Variants in LRP1B observed in about 807,000 individuals in gnomAD.
The protein encoded by LRP1B is low-density lipoprotein receptor-related protein 1B.
Under a neutral mutation model 556.6 loss-of-function variants are expected in LRP1B, and 217 were observed. That is an observed-to-expected ratio of 0.39 (90% CI 0.35 to 0.44). The LOEUF (loss-of-function observed/expected upper bound fraction) is 0.44. LRP1B is among the 20% of genes least tolerant of loss of function. LRP1B has a pLI of 1.00. For missense variants in LRP1B, 5,053 were observed against 5,620.8 expected, an observed-to-expected ratio of 0.90 and a Z score of 3.23; for synonymous variants, 2,047 against 1,865.8, an observed-to-expected ratio of 1.10 and a Z score of -2.50.
At chr2:141,839,723 C>T (rs547392149) in intron 1 of LRP1B, among the ~76,000 whole-genome samples, 1 of 152,148 alleles carries the variant, frequency 6.6e-6, no homozygotes, top group East Asian at 1.9e-4. Context: ...AGAAATGAAC[C>T]TGAATGAGAC....
chr2:140,721,412 A>G (rs1687394330), intron 35 of LRP1B, among the ~76,000 whole-genome samples: 1 of 152,072 alleles, frequency 6.6e-6, no homozygotes, highest in Non-Finnish European at 1.5e-5. Flanking sequence ...CTGCCTGTTG[A>G]CATTTAAAAA....
intron 2 of LRP1B, among the ~76,000 whole-genome samples, chr2:141,721,574 A>T (rs576768727): frequency 6.6e-6 from 1 of 152,328 alleles, no homozygotes; most frequent in South Asian, 2.1e-4. Context: ...ATTTACAATG[A>T]AAGTAATTTT....
At chr2:141,753,471 G>A (rs1694203754) in intron 2 of LRP1B, among the ~76,000 whole-genome samples, 1 of 151,308 alleles carries the variant, frequency 6.6e-6, no homozygotes, top group Non-Finnish European at 1.5e-5. Flanking sequence ...CACTCCCGAG[G>A]GTGTGCGTAT....
intron 1 of LRP1B, among the ~76,000 whole-genome samples, chr2:141,984,376 G>A (rs1056363382): frequency 2.8e-5 from 1 of 35,952 alleles, no homozygotes; most frequent in Non-Finnish European, 5.6e-5. Context: ...ATTGATGAAA[G>A]GTATGTGTTT....
intron 3 of LRP1B, among the ~76,000 whole-genome samples, chr2:141,282,142 G>C (rs561203046): frequency 9.2e-5 from 14 of 151,986 alleles, no homozygotes; most frequent in Non-Finnish European, 1.8e-4. Context: ...GCTTTCAAAG[G>C]TAATAGAGTT....
Position 140,442,942 on chromosome 2 carries a change from C to G in LRP1B, c.10295-319G>C, listed in dbSNP as rs192051303. Among the ~76,000 whole-genome samples, 301 of 151,530 alleles carry G rather than the reference C, an allele frequency of 2.0e-3. 2 individuals are homozygous for G. The highest frequency in any genetic ancestry group is 4.1e-3 in the Admixed American group (62 of 15,228). On this transcript the variant is annotated intron_variant, in intron 65 of 90. Coordinates refer to ENST00000389484, the MANE Select transcript of LRP1B (RefSeq NM_018557.3). ...AGGGACTTTCAAAATAAGTTTTTTT[C>G]CAGAAAAAAATAAGAATTCATAGGT...
chr2:141,369,586 T>C (rs1689155590), intron 3 of LRP1B, among the ~76,000 whole-genome samples: 1 of 152,318 alleles, frequency 6.6e-6, no homozygotes, highest in South Asian at 2.1e-4. Flanking sequence ...TCCATTACCA[T>C]TATTATCATC....
At chr2:140,693,683 T>G (rs76885947) in intron 41 of LRP1B, among the ~76,000 whole-genome samples, 1 of 151,912 alleles carries the variant, frequency 6.6e-6, no homozygotes, top group Non-Finnish European at 1.5e-5. Context: ...AGAATAGCTT[T>G]TTTAAGATCA....
chr2:140,424,747 C>A lies in LRP1B; in HGVS notation c.10414+17757G>T, dbSNP rs537769276. On this transcript the variant is annotated intron_variant, in intron 66 of 90. Coordinates refer to ENST00000389484, the MANE Select transcript of LRP1B (RefSeq NM_018557.3). ...AATACACCAGATAGTTCAAACAGTG[C>A]GTGAACATGCTGCTAGATAACCTTG... Among the ~76,000 whole-genome samples, 11 of 152,110 alleles carry A rather than the reference C, an allele frequency of 7.2e-5. 1 individual carries two copies. Among genetic ancestry groups the A allele is most frequent in the Non-Finnish European group, 4.4e-5 (3 of 68,028 alleles).
chr2:141,469,105 C>T (rs920835498), intron 3 of LRP1B, among the ~76,000 whole-genome samples: 2 of 152,142 alleles, frequency 1.3e-5, no homozygotes, highest in African/African-American at 4.8e-5. Flanking sequence ...GCAAATAAAT[C>T]TGGGTGATTT....
At chr2:140,692,188 G>A (rs980818706) in intron 41 of LRP1B, among the ~76,000 whole-genome samples, 2 of 151,974 alleles carry the variant, frequency 1.3e-5, no homozygotes, top group Non-Finnish European at 2.9e-5. Flanking sequence ...ATATTACTAT[G>A]TTATTTCAAA....
chr2:140,583,199 A>C (rs1681851032), intron 43 of LRP1B, among the ~76,000 whole-genome samples: 1 of 109,454 alleles, frequency 9.1e-6, no homozygotes. Context: ...TTTTTGAGAC[A>C]GCATCTCTCT....
chr2:141,750,467 A>G (rs958181601), intron 2 of LRP1B, among the ~76,000 whole-genome samples: 4 of 152,304 alleles, frequency 2.6e-5, no homozygotes, highest in African/African-American at 9.6e-5. Flanking sequence ...AGAAAAGAAA[A>G]AAAAGCTTCT....
chr2:142,076,126 A>T (rs887010239), intron 1 of LRP1B, among the ~76,000 whole-genome samples: 2 of 152,138 alleles, frequency 1.3e-5, no homozygotes, highest in South Asian at 4.1e-4. Context: ...TACTGTTAAA[A>T]AATGTTTTAT....
At chr2:141,464,590 A>ATG (rs1311324506) in intron 3 of LRP1B, among the ~76,000 whole-genome samples, 1 of 34,046 alleles carries the variant, frequency 2.9e-5, no homozygotes, top group Non-Finnish European at 8.5e-5. Context: ...TTTTGTATAT[A>ATG]TATATATATA....
At chr2:140,522,678 CA>C (rs70988403) in intron 49 of LRP1B, among the ~76,000 whole-genome samples, 139,153 of 151,178 alleles carry the variant, frequency 0.92, 64,875 homozygotes, top group East Asian at 1. Context: ...GCTAGATTAA[CA>C]AAAAAAAAAG....
chr2:140,245,848 C>T (rs1681136998), intron 87 of LRP1B, among the ~76,000 whole-genome samples: 1 of 151,486 alleles, frequency 6.6e-6, no homozygotes, highest in East Asian at 2.0e-4. Context: ...TCATAGCTTC[C>T]CTATGGCCTC....
At chr2:140,815,026 C>G (rs950268315) in intron 31 of LRP1B, among the ~76,000 whole-genome samples, 1 of 151,958 alleles carries the variant, frequency 6.6e-6, no homozygotes, top group African/African-American at 2.4e-5. Context: ...TTCTGTGATC[C>G]ATAACTACTC....
chr2:141,603,091 A>G (rs904266426), intron 2 of LRP1B, among the ~76,000 whole-genome samples: 10 of 152,190 alleles, frequency 6.6e-5, no homozygotes, highest in African/African-American at 2.4e-4. Flanking sequence ...ATGACTTATG[A>G]TTGGCCTGAA....
Sources: allele counts gnomAD v4.1 joint callset (sites outside exome capture counted in the v4.1 genomes callset), GRCh38; gene constraint gnomAD v4.1.1; transcripts MANE v1.5; gene names NCBI Gene and HGNC (gene_info 2026-07-23, HGNC 2026-07-21).